Variants in GRM8 observed in about 807,000 individuals in gnomAD.
GRM8 encodes the protein glutamate metabotropic receptor 8, also known as metabotropic glutamate receptor 8.
In GRM8, 47 loss-of-function variants were observed where a neutral mutation model predicts 87.2. The ratio of observed to expected loss-of-function variants is 0.54; its 90% confidence interval spans 0.43 to 0.69. The LOEUF is 0.69. Among genes scored for constraint, GRM8 ranks in the 30% least tolerant of loss-of-function variants. The pLI is 0.00. For synonymous variants in GRM8, 396 were observed against 404.5 expected, an observed-to-expected ratio of 0.98 and a Z score of 0.25; for missense variants, 1,019 against 1,139.2, an observed-to-expected ratio of 0.89 and a Z score of 1.52.
chr7:127,104,586 C>T (rs1390556823), intron 3 of GRM8, among the ~76,000 whole-genome samples: 1 of 152,110 alleles, frequency 6.6e-6, no homozygotes, highest in Admixed American at 6.6e-5. Flanking sequence ...CAATCCATCC[C>T]TCCTCCATTC....
chr7:126,863,470 A>T (rs1563260029), intron 6 of GRM8, among the ~76,000 whole-genome samples: 1 of 152,194 alleles, frequency 6.6e-6, no homozygotes, highest in Non-Finnish European at 1.5e-5. Flanking sequence ...GTAATTTACG[A>T]ATGAAGCATC....
chr7:126,969,550 T>A (rs1810207064), intron 3 of GRM8, among the ~76,000 whole-genome samples: 1 of 152,182 alleles, frequency 6.6e-6, no homozygotes, highest in African/African-American at 2.4e-5. Flanking sequence ...TTCAGTCACA[T>A]CATCAAATTC....
intron 7 of GRM8, among the ~76,000 whole-genome samples, chr7:126,758,394 TACA>T (rs971607825): frequency 6.6e-6 from 1 of 152,152 alleles, no homozygotes; most frequent in African/African-American, 2.4e-5. Flanking sequence ...TCCAAGATCT[TACA>T]ACATTAGTAG....
chr7:127,173,059 A>G (rs1327299985), intron 2 of GRM8, among the ~76,000 whole-genome samples: 1 of 152,234 alleles, frequency 6.6e-6, no homozygotes, highest in Non-Finnish European at 1.5e-5. Context: ...ACAAATAACT[A>G]TTAACCATCT....
chr7:126,995,168 T>C (rs1157478605), intron 3 of GRM8, among the ~76,000 whole-genome samples: 3 of 152,196 alleles, frequency 2.0e-5, no homozygotes, highest in Non-Finnish European at 2.9e-5. Flanking sequence ...TATGAGTCTG[T>C]ATTACTCGGC....
chr7:126,667,339 T>C (rs937565825), intron 7 of GRM8, among the ~76,000 whole-genome samples: 10 of 152,208 alleles, frequency 6.6e-5, no homozygotes, highest in Non-Finnish European at 1.2e-4. Context: ...TGCCTACAAA[T>C]GTAAAGCTTA....
intron 2 of GRM8, among the ~76,000 whole-genome samples, chr7:127,226,683 C>A (rs140847379): frequency 6.6e-6 from 1 of 152,190 alleles, no homozygotes; most frequent in Non-Finnish European, 1.5e-5. Context: ...TGAAAATTAA[C>A]GCCTCAAGTT....
At chr7:126,946,333 C>G (rs17864082) in intron 3 of GRM8, among the ~76,000 whole-genome samples, 1 of 152,156 alleles carries the variant, frequency 6.6e-6, no homozygotes, top group Non-Finnish European at 1.5e-5. Context: ...GAGACCCCCC[C>G]ATCTCTACAA....
rs1307874212 is a variant in GRM8, at chr7:127,252,468, GC to G, written c.-312+328del. On this transcript the variant is annotated intron_variant, in intron 1 of 10. Transcript: ENST00000339582. The surrounding 1 kb of genome is among the most constrained non-coding windows in gnomAD (Gnocchi z 4.9). ...CCAATCAAGCTCCAATGCCCGGCCA[GC>G]CCCTCGCCCCCTGGTGCCCACTCTC... 1.3e-5 allele frequency: 2 copies of G among 152,494 alleles called. No homozygotes were observed. The highest frequency in any genetic ancestry group is 4.8e-5 in the African/African-American group (2 of 41,406). 9.4% of individuals were successfully genotyped at this position (152,494 alleles called of 1,614,324 possible).
intron 3 of GRM8, among the ~76,000 whole-genome samples, chr7:126,943,629 T>C (rs1325736008): frequency 1.3e-5 from 2 of 152,198 alleles, no homozygotes; most frequent in Non-Finnish European, 2.9e-5. Context: ...CAGGAAGGAA[T>C]AGCTCTTGGG....
intron 8 of GRM8, among the ~76,000 whole-genome samples, chr7:126,542,991 G>C (rs1419228872): frequency 3.9e-5 from 6 of 152,118 alleles, no homozygotes; most frequent in African/African-American, 1.4e-4. Flanking sequence ...GAAAAGATGG[G>C]ATCTAGTTTT....
chr7:126,554,554 C>T (rs994139342), intron 8 of GRM8, among the ~76,000 whole-genome samples: 2 of 152,060 alleles, frequency 1.3e-5, no homozygotes, highest in Admixed American at 1.3e-4. Context: ...GATCGTGCCA[C>T]TGCACTCCAG....
At chr7:126,791,259 C>T (rs189114895) in intron 6 of GRM8, among the ~76,000 whole-genome samples, 2 of 152,294 alleles carry the variant, frequency 1.3e-5, no homozygotes, top group East Asian at 3.9e-4. Flanking sequence ...AGATGTCATG[C>T]TTAGATAATT....
At chr7:126,786,713 G>A (rs1820660006) in intron 6 of GRM8, among the ~76,000 whole-genome samples, 1 of 152,068 alleles carries the variant, frequency 6.6e-6, no homozygotes, top group South Asian at 2.1e-4. Flanking sequence ...ATAAGAACTA[G>A]TTGTTCTACT....
chr7:127,210,575 TC>T (rs1796155178), intron 2 of GRM8, among the ~76,000 whole-genome samples: 1 of 152,302 alleles, frequency 6.6e-6, no homozygotes, highest in South Asian at 2.1e-4. Flanking sequence ...TAAGATGTCT[TC>T]CAATCCTAGC....
intron 7 of GRM8, among the ~76,000 whole-genome samples, chr7:126,747,868 G>A (rs114503230): frequency 0.03 from 4,510 of 151,812 alleles, 254 homozygotes; most frequent in African/African-American, 0.1. Flanking sequence ...CACTACCTCG[G>A]TATTTATTAT....
At chr7:126,704,634 T>C (rs1043055986) in intron 7 of GRM8, among the ~76,000 whole-genome samples, 15 of 152,112 alleles carry the variant, frequency 9.9e-5, no homozygotes, top group Non-Finnish European at 1.6e-4. Flanking sequence ...AATGCGCCCC[T>C]GAGGATAGGT....
At chr7:127,067,685 T>G (rs752216716) in intron 3 of GRM8, among the ~76,000 whole-genome samples, 1 of 152,234 alleles carries the variant, frequency 6.6e-6, no homozygotes, top group Non-Finnish European at 1.5e-5. Flanking sequence ...TTATCCTGCA[T>G]TCAATGCAAG....
At chr7:126,595,300 C>T (rs1164478958) in intron 8 of GRM8, among the ~76,000 whole-genome samples, 1 of 151,860 alleles carries the variant, frequency 6.6e-6, no homozygotes, top group African/African-American at 2.4e-5. Flanking sequence ...GACATGATCG[C>T]AGTTCACGGC....
Sources: allele counts gnomAD v4.1 joint callset (sites outside exome capture counted in the v4.1 genomes callset), GRCh38; gene constraint gnomAD v4.1.1; non-coding constraint Gnocchi (gnomAD v3.1); transcripts MANE v1.5; gene names NCBI Gene and HGNC (gene_info 2026-07-23, HGNC 2026-07-21).